Variants in ZRANB3 observed in about 807,000 individuals in gnomAD.
ZRANB3 encodes DNA annealing helicase and endonuclease ZRANB3.
A neutral mutation model predicts 133.8 loss-of-function variants in ZRANB3; 125 were observed. The ratio of observed to expected loss-of-function variants is 0.93; its 90% CI spans 0.81 to 1.08. ZRANB3 has a LOEUF of 1.08. Ranked by LOEUF, ZRANB3 falls within the 50% of genes least tolerant of loss-of-function variation. ZRANB3 has a pLI of 0.00. For synonymous variants in ZRANB3, 387 were observed against 432.7 expected (o/e 0.89, Z 1.31); for missense variants, 1,229 against 1,275.5 (o/e 0.96, Z 0.56).
intron 6 of ZRANB3, among the ~76,000 whole-genome samples, chr2:135,344,549 A>AAC (rs1211348518): frequency 6.6e-6 from 1 of 152,172 alleles, no homozygotes; most frequent in African/African-American, 2.4e-5. Context: ...CAGCCTGGCC[A>AAC]ACATGGTGAA....
intron 2 of ZRANB3, among the ~76,000 whole-genome samples, chr2:135,407,323 G>A (rs1488794046): frequency 6.6e-6 from 1 of 152,006 alleles, no homozygotes; most frequent in Non-Finnish European, 1.5e-5. Flanking sequence ...AAATAAAAAA[G>A]GATACAAACA....
intron 3 of ZRANB3, among the ~76,000 whole-genome samples, chr2:135,363,064 C>T (rs1210933309): frequency 2.0e-5 from 3 of 152,170 alleles, no homozygotes; most frequent in South Asian, 2.1e-4. Context: ...TAGTAGCAGT[C>T]GTGCTTGGTG....
At chr2:135,489,009 AAGG>A (rs1212682691) in intron 2 of ZRANB3, among the ~76,000 whole-genome samples, 4 of 152,002 alleles carry the variant, frequency 2.6e-5, no homozygotes, top group Non-Finnish European at 5.9e-5. Context: ...ACAGTGTCAT[AAGG>A]AGAATAGGTG....
intron 2 of ZRANB3, among the ~76,000 whole-genome samples, chr2:135,468,599 C>T (rs1243789133): frequency 6.6e-6 from 1 of 152,196 alleles, no homozygotes; most frequent in African/African-American, 2.4e-5. Context: ...TATATAGCCA[C>T]TCAGTGGACA....
intron 12 of ZRANB3, among the ~76,000 whole-genome samples, chr2:135,257,812 C>G (rs1679734556): frequency 6.6e-6 from 1 of 152,292 alleles, no homozygotes; most frequent in Middle Eastern, 3.4e-3. Flanking sequence ...TATGCTAACT[C>G]TAATGCACCT....
chr2:135,338,453 G>A (rs1684468508), intron 6 of ZRANB3, among the ~76,000 whole-genome samples: 1 of 152,226 alleles, frequency 6.6e-6, no homozygotes, highest in African/African-American at 2.4e-5. Flanking sequence ...AGCATGCAAA[G>A]TGGACACCAC....
Position 135,416,218 on chromosome 2 carries a change from CA to C in ZRANB3, c.162-25399del, listed in dbSNP as rs1432013143. 6.7e-3 allele frequency among the ~76,000 whole-genome samples: 1,021 copies of C among 151,900 alleles called. 21 individuals carry two copies. The highest frequency in any genetic ancestry group is 0.024 in the African/African-American group (977 of 41,316). ...GTATATCTAGAAAACCCCATCGTCT[CA>C]GCCCAAAATCTCCTTAAGCTGATAA... On this transcript the variant is annotated intron_variant, in intron 2 of 20. Coordinates refer to ENST00000264159, the MANE Select transcript of ZRANB3 (RefSeq NM_032143.4).
At chr2:135,393,229 TAA>T (rs1020581772) in intron 2 of ZRANB3, among the ~76,000 whole-genome samples, 13 of 152,220 alleles carry the variant, frequency 8.5e-5, no homozygotes, top group Admixed American at 8.5e-4. Flanking sequence ...AAAACATATA[TAA>T]GAGTAAAAAA....
intron 2 of ZRANB3, among the ~76,000 whole-genome samples, chr2:135,452,293 T>C (rs1031856693): frequency 6.6e-6 from 1 of 152,072 alleles, no homozygotes; most frequent in African/African-American, 2.4e-5. Flanking sequence ...CCACAACACA[T>C]GGACATTCTG....
At chr2:135,281,449 G>A (rs1681099232) in intron 8 of ZRANB3, among the ~76,000 whole-genome samples, 1 of 151,798 alleles carries the variant, frequency 6.6e-6, no homozygotes, top group African/African-American at 2.4e-5. Flanking sequence ...AAATGATTCT[G>A]ACTAATATGA....
At chr2:135,446,410 G>A (rs536679620) in intron 2 of ZRANB3, among the ~76,000 whole-genome samples, 2 of 152,110 alleles carry the variant, frequency 1.3e-5, no homozygotes, top group African/African-American at 4.8e-5. Flanking sequence ...TAAGATGCAG[G>A]AGGAGGTGTT....
intron 8 of ZRANB3, among the ~76,000 whole-genome samples, chr2:135,283,190 CAGA>C (rs1486116248): frequency 6.6e-6 from 1 of 152,170 alleles, no homozygotes; most frequent in Non-Finnish European, 1.5e-5. Flanking sequence ...GAGGCTGGGG[CAGA>C]AGGATTGCTT....
chr2:135,508,206 C>T (rs1387956894), intron 1 of ZRANB3, among the ~76,000 whole-genome samples: 1 of 152,090 alleles, frequency 6.6e-6, no homozygotes, highest in Non-Finnish European at 1.5e-5. Flanking sequence ...GGCACGATCT[C>T]GGCTCACTGC....
intron 2 of ZRANB3, among the ~76,000 whole-genome samples, chr2:135,406,253 C>T (rs1169339688): frequency 6.6e-6 from 1 of 152,004 alleles, no homozygotes; most frequent in Non-Finnish European, 1.5e-5. Flanking sequence ...ACACATACGC[C>T]CTCCCAAGAC....
chr2:135,211,947 C>A (rs1332511969), intron 17 of ZRANB3, among the ~76,000 whole-genome samples: 1 of 152,172 alleles, frequency 6.6e-6, no homozygotes, highest in Admixed American at 6.5e-5. Context: ...TGACAAATTT[C>A]TTTCCTCTAA....
intron 1 of ZRANB3, among the ~76,000 whole-genome samples, chr2:135,523,272 C>G (rs542017142): frequency 1.3e-5 from 2 of 152,202 alleles, no homozygotes; most frequent in Non-Finnish European, 1.5e-5. Flanking sequence ...CTTTTCCCCC[C>G]CAAGTTCCAC....
rs1694808826 is a variant in ZRANB3 at position 135,227,741 on chromosome 2, A to G, written c.2158+71T>C. 3.5e-6 allele frequency: 5 copies of G among 1,434,716 alleles called. No individual in the cohort carries two copies. In the East Asian group the frequency reaches 9.9e-5, roughly 28 times the overall value. The allele number at this position is 1,434,716 out of a possible 1,614,324, so 88.9% of individuals were successfully genotyped here. ...ACCTGGAACAAGGTAGTAATTACTA[A>G]TCTAATAACAGTATTATGTGTGAAA... On this transcript the variant is annotated intron_variant, in intron 14 of 20. Transcript: ENST00000264159.
intron 2 of ZRANB3, among the ~76,000 whole-genome samples, chr2:135,491,520 AT>A (rs1039567791): frequency 3.8e-4 from 54 of 143,202 alleles, no homozygotes; most frequent in East Asian, 8.1e-4. Context: ...AATTTTTTGT[AT>A]TTTTTTTTTT....
At chr2:135,448,738 G>C (rs1222453531) in intron 2 of ZRANB3, among the ~76,000 whole-genome samples, 1 of 152,198 alleles carries the variant, frequency 6.6e-6, no homozygotes, top group African/African-American at 2.4e-5. Flanking sequence ...TTCAGATATA[G>C]ACAAAAGAGC....
Sources: allele counts gnomAD v4.1 joint callset (sites outside exome capture counted in the v4.1 genomes callset), GRCh38; gene constraint gnomAD v4.1.1; transcripts MANE v1.5; gene names NCBI Gene and HGNC (gene_info 2026-07-23, HGNC 2026-07-21).